CT55: variants seen among roughly 807,000 people sequenced by gnomAD.
The protein encoded by CT55 is BRCA2-interacting protein.
CT55 carries 1 observed loss-of-function variant against 12.6 expected under a neutral mutation model. That is an observed-to-expected ratio of 0.08 (90% CI 0.03 to 0.38). The LOEUF is 0.38. Ranked by LOEUF, CT55 falls within the 10% of genes least tolerant of loss-of-function variation. The pLI, the probability that CT55 is intolerant of heterozygous loss-of-function variation, is 0.99. For missense variants in CT55, 109 were observed against 135.4 expected, an observed-to-expected ratio of 0.80 and a Z score of 0.97; for synonymous variants, 43 against 49.7, an observed-to-expected ratio of 0.87 and a Z score of 0.57.
rs782342145 is a variant in CT55 at position 135,157,961 on chromosome X, C to T, written c.537+238G>A. Among the ~76,000 whole-genome samples the T allele has an allele frequency of 4.3e-3, 341 of 79,734 alleles. 1 individual carries two copies. Among genetic ancestry groups the T allele is most frequent in the Middle Eastern group, 0.017 (3 of 172 alleles). The allele number at this position is 79,734 out of a possible 115,157, so 69.2% of individuals were successfully genotyped here. ...GAAGATTCTAATAACATTTGGGTAT[C>T]GAGTAAAATGCACAATTTAGAACTT... On this transcript the variant is annotated intron_variant, in intron 4 of 5. Coordinates refer to ENST00000276241, the MANE Select transcript of CT55 (RefSeq NM_001031705.3).
chrX:135,171,525 G>C (rs1429284797), upstream of CT55: 1 of 163,471 alleles, frequency 6.1e-6, no homozygotes, highest in Non-Finnish European at 1.1e-5. Flanking sequence ...TCCCATCAAG[G>C]CTGAGGGAGC....
At chrX:135,159,786 C>A (rs191526164) in intron 3 of CT55, among the ~76,000 whole-genome samples, 1 of 111,680 alleles carries the variant, frequency 9.0e-6, no homozygotes, top group Non-Finnish European at 1.9e-5. Flanking sequence ...TAGCAAGCTG[C>A]CTGGGGAAGC....
chrX:135,159,000 C>T (rs1353167248), intron 3 of CT55, among the ~76,000 whole-genome samples: 2 of 112,074 alleles, frequency 1.8e-5, no homozygotes, highest in Non-Finnish European at 3.8e-5. Flanking sequence ...TTAAGACCAT[C>T]AAGTTTCAAA....
intron 3 of CT55, among the ~76,000 whole-genome samples, chrX:135,159,650 GTTTTCCT>G (rs2083553881): frequency 9.0e-6 from 1 of 110,994 alleles, no homozygotes; most frequent in African/African-American, 3.3e-5. Context: ...ATATTACAAC[GTTTTCCT>G]GACTGATTTC....
chrX:135,169,459 A>AG (rs1556406446), intron 2 of CT55, 135 bp downstream of exon 2: 4 of 400,660 alleles, frequency 1.0e-5, no homozygotes, highest in Non-Finnish European at 1.7e-5. Flanking sequence ...GCTTCAGAGG[A>AG]GGGGGGCTTC....
rs782584466 is a variant in CT55 at position 135,171,133 on chromosome X, C to T, written c.39G>A (p.Gly13=). 3 of 1,209,980 alleles carry T rather than the reference C, an allele frequency of 2.5e-6. No homozygotes were observed. Among genetic ancestry groups the T allele is most frequent in the Middle Eastern group, 2.3e-4 (1 of 4,351 alleles). The change falls in exon 1 of 6, where the codon GGG becomes GGA. Residue 13 remains glycine (G), a synonymous_variant. Coordinates refer to ENST00000276241, the MANE Select transcript of CT55 (RefSeq NM_001031705.3). ...GTCGCTCTGCAGGGTCGGCCGTCCT[C>T]CCGTAGAAGGCCAAAGCAAGTCTCA... ...RLLRLALAFY[G]RTADPAERQG...
At chrX:135,169,464 G>A (rs1212128333) in intron 2 of CT55, 130 bp downstream of exon 2, 33 of 406,163 alleles carry the variant, frequency 8.1e-5, no homozygotes, top group African/African-American at 7.9e-4. Flanking sequence ...AGAGGAGGGG[G>A]GCTTCAAATT....
intron 2 of CT55, among the ~76,000 whole-genome samples, chrX:135,167,433 T>C (rs2083590851): frequency 8.9e-6 from 1 of 111,750 alleles, no homozygotes; most frequent in Non-Finnish European, 1.9e-5. Flanking sequence ...TCTCTCAGCG[T>C]GTATATAAAT....
At chrX:135,161,604 C>A (rs1434490500) in intron 2 of CT55, among the ~76,000 whole-genome samples, 1 of 112,274 alleles carries the variant, frequency 8.9e-6, no homozygotes, top group Non-Finnish European at 1.9e-5. Context: ...CCCAATTTCA[C>A]ATAATTAGAC....
intron 2 of CT55, among the ~76,000 whole-genome samples, chrX:135,163,364 T>A (rs1325331131): frequency 2.7e-5 from 3 of 112,140 alleles, no homozygotes; most frequent in Admixed American, 9.4e-5. Flanking sequence ...CAGGAAAGAT[T>A]GAAAGAATTG....
chrX:135,159,957 G>A (rs1373984748), intron 3 of CT55, among the ~76,000 whole-genome samples: 2 of 109,780 alleles, frequency 1.8e-5, no homozygotes, highest in African/African-American at 6.7e-5. Context: ...CACACAAACA[G>A]ACAACCACAA....
chrX:135,159,366 C>G (rs1203333905), intron 3 of CT55, among the ~76,000 whole-genome samples: 1 of 111,538 alleles, frequency 9.0e-6, no homozygotes, highest in Admixed American at 9.5e-5. Flanking sequence ...TTACACCAAT[C>G]TAACGTGTGT....
chrX:135,160,122 C>T (rs1302620966), intron 3 of CT55, among the ~76,000 whole-genome samples: 20 of 111,819 alleles, frequency 1.8e-4, no homozygotes, highest in Non-Finnish European at 7.5e-5. Flanking sequence ...TGTCTCTATG[C>T]ACTTGTAGGA....
chrX:135,158,943 T>C (rs2083549648), intron 3 of CT55, among the ~76,000 whole-genome samples: 1 of 112,414 alleles, frequency 8.9e-6, no homozygotes, highest in South Asian at 3.7e-4. Flanking sequence ...TCCCCTGGTG[T>C]TGTGTTCAAC....
chrX:135,163,056 T>C (rs1366945603), intron 2 of CT55, among the ~76,000 whole-genome samples: 8 of 111,698 alleles, frequency 7.2e-5, no homozygotes, highest in African/African-American at 2.6e-4. Context: ...GAGACCTATA[T>C]AGAGTTTCTG....
intron 3 of CT55, among the ~76,000 whole-genome samples, chrX:135,159,193 C>G (rs1322688550): frequency 9.9e-6 from 1 of 101,332 alleles, no homozygotes; most frequent in African/African-American, 3.7e-5. Flanking sequence ...ACATAAGACA[C>G]TGTGTTAGAC....
At chrX:135,159,799 A>T (rs782020833) in intron 3 of CT55, among the ~76,000 whole-genome samples, 4 of 111,644 alleles carry the variant, frequency 3.6e-5, no homozygotes, top group Non-Finnish European at 7.5e-5. Flanking sequence ...GGGGAAGCGG[A>T]GCTAATCTCT....
At chrX:135,169,142 G>C (rs1556406410) in intron 2 of CT55, among the ~76,000 whole-genome samples, 1 of 112,224 alleles carries the variant, frequency 8.9e-6, no homozygotes, top group African/African-American at 3.2e-5. Flanking sequence ...GATGTTGCCA[G>C]GACTCCGTAA....
intron 2 of CT55, among the ~76,000 whole-genome samples, chrX:135,169,139 C>T (rs782381621): frequency 6.2e-5 from 7 of 112,100 alleles, no homozygotes; most frequent in African/African-American, 2.3e-4. Flanking sequence ...GGTGATGTTG[C>T]CAGGACTCCG....
Sources: gnomAD v4.1 joint callset for allele counts (sites outside exome capture counted in the v4.1 genomes callset) on GRCh38, gnomAD v4.1.1 for gene constraint, MANE v1.5 for transcripts, NCBI Gene and HGNC (gene_info 2026-07-23, HGNC 2026-07-21) for gene names.